STAB2: variants seen among roughly 807,000 people sequenced by gnomAD.
The protein encoded by STAB2 is stabilin 2.
In STAB2, 288 loss-of-function variants were observed where a neutral mutation model predicts 338.1. The ratio of observed to expected loss-of-function variants is 0.85; its 90% CI spans 0.77 to 0.94. The LOEUF is 0.94. STAB2 is among the 40% of genes least tolerant of loss of function. The pLI is 0.00. For synonymous variants in STAB2, 1,202 were observed against 1,193.3 expected (o/e 1.01, Z -0.15); for missense variants, 3,141 against 3,210.1 (o/e 0.98, Z 0.52).
At chr12:103,676,559 C>T (rs1018922971) in intron 24 of STAB2, among the ~76,000 whole-genome samples, 2 of 152,200 alleles carry the variant, frequency 1.3e-5, no homozygotes, top group Admixed American at 1.3e-4. Flanking sequence ...TAGCTCACTG[C>T]AGCCTCAAAC....
At chr12:103,732,545 C>T (rs1881714844) in intron 50 of STAB2, among the ~76,000 whole-genome samples, 1 of 152,182 alleles carries the variant, frequency 6.6e-6, no homozygotes. Flanking sequence ...TTGGCTCATG[C>T]CTGTAATCCT....
rs1469454226 is a variant in STAB2 at position 103,746,657 on chromosome 12, C to A, written c.6197C>A (p.Thr2066Lys). The change falls in exon 58 of 69, where the codon ACG becomes AAG. Residue 2066 changes from threonine to lysine, a missense_variant. Transcript: ENST00000388887. Reference protein sequence around the residue: ...SAHATCKENNTCECNLDYEGD... With the variant: ...SAHATCKENNKCECNLDYEGD... ...CATGCCACCTGTAAGGAGAACAACACGTGTGAGTGTAACCTGGATTATGAA... is the reference window on the plus strand; with the variant it reads ...CATGCCACCTGTAAGGAGAACAACAAGTGTGAGTGTAACCTGGATTATGAA... 6 of 1,613,982 alleles carry A rather than the reference C, an allele frequency of 3.7e-6. No individual in the cohort carries two copies. The highest frequency in any genetic ancestry group is 1.3e-5 in the African/African-American group (1 of 74,914).
At chr12:103,649,258 C>A (rs1873560088) in intron 10 of STAB2, among the ~76,000 whole-genome samples, 1 of 152,162 alleles carries the variant, frequency 6.6e-6, no homozygotes, top group African/African-American at 2.4e-5. Context: ...AGTGGAGGGG[C>A]TGTTTGAATT....
At chr12:103,752,909 A>G (rs1241410697) in intron 60 of STAB2, among the ~76,000 whole-genome samples, 1 of 152,254 alleles carries the variant, frequency 6.6e-6, no homozygotes, top group Non-Finnish European at 1.5e-5. Context: ...GTAAAATTCT[A>G]GAAGGAAATG....
intron 27 of STAB2, among the ~76,000 whole-genome samples, chr12:103,685,502 A>G (rs184703971): frequency 1.3e-5 from 2 of 151,478 alleles, no homozygotes; most frequent in East Asian, 3.9e-4. Flanking sequence ...GTGTGTACAC[A>G]CTTCTTTATG....
intron 51 of STAB2, among the ~76,000 whole-genome samples, chr12:103,733,936 C>T (rs1486235495): frequency 1.4e-5 from 2 of 144,474 alleles, no homozygotes; most frequent in African/African-American, 5.3e-5. Flanking sequence ...AAGGAGCAAG[C>T]ATGATCACAT....
chr12:103,739,527 CTGTGTGTGTGTGTGTGTGTGTG>C (rs35471201), intron 54 of STAB2, 59 bp downstream of exon 54: 118 of 674,322 alleles, frequency 1.7e-4, no homozygotes, highest in Non-Finnish European at 2.3e-4. Context: ...ATTATCAGAC[CTGTGTGTGTGTGTGTGTGTGTG>C]TGTGTGTGTG....
chr12:103,746,119 C>T (rs1183701876), intron 57 of STAB2, among the ~76,000 whole-genome samples: 1 of 152,128 alleles, frequency 6.6e-6, no homozygotes, highest in African/African-American at 2.4e-5. Flanking sequence ...CCTCCCTCCT[C>T]CCCTAAGCAC....
At chr12:103,699,058 G>T in intron 33 of STAB2, 38 bp from the exon 34 acceptor site, 2 of 1,580,794 alleles carry the variant, frequency 1.3e-6, no homozygotes, top group Non-Finnish European at 1.7e-6. Flanking sequence ...CTGTCAGGCT[G>T]ATCTCTTGAC....
chr12:103,704,408 A>C, intron 35 of STAB2, 150 bp from the exon 36 acceptor site: 1 of 626,374 alleles, frequency 1.6e-6, no homozygotes, highest in African/African-American at 1.9e-5. Flanking sequence ...GACCCAGAGG[A>C]GTTGAAGTGT....
intron 5 of STAB2, among the ~76,000 whole-genome samples, chr12:103,625,016 A>T (rs1348914095): frequency 6.6e-6 from 1 of 152,130 alleles, no homozygotes; most frequent in Non-Finnish European, 1.5e-5. Context: ...AAGGACAGCA[A>T]CTAAAATGTA....
chr12:103,590,224 A>G (rs1956775218), intron 1 of STAB2, among the ~76,000 whole-genome samples: 1 of 152,236 alleles, frequency 6.6e-6, no homozygotes, highest in African/African-American at 2.4e-5. Flanking sequence ...TGTTTCTAGC[A>G]CATCTGATTT....
chr12:103,692,597 CTGTGTG>C (rs36051361), intron 30 of STAB2, among the ~76,000 whole-genome samples: 1 of 150,828 alleles, frequency 6.6e-6, no homozygotes, highest in Admixed American at 6.6e-5. Context: ...CTCTCTGTCT[CTGTGTG>C]TGTGTGTGTG....
In STAB2 at chr12:103,730,199, A is replaced by C. The variant is rs777568448; in HGVS notation, c.5166A>C (p.Lys1722Asn). 6.2e-7 allele frequency: 1 copy of C among 1,613,712 alleles called. No individual in the cohort carries two copies. The highest frequency in any genetic ancestry group is 1.1e-5 in the South Asian group (1 of 91,068). ...STNGIVHIID[K>N]LLSPKNLLIT... Reference sequence around the variant, plus strand: ...ATGGGATTGTTCATATCATAGACAAATTGCTATCTCCCAAAAATTTGCTTA... The same window carrying C: ...ATGGGATTGTTCATATCATAGACAACTTGCTATCTCCCAAAAATTTGCTTA... The change falls in exon 49 of 69, where the codon AAA (lysine) becomes AAC (asparagine). Residue 1722 changes from lysine (K) to asparagine (N), a missense_variant. Coordinates refer to ENST00000388887, the MANE Select transcript of STAB2 (RefSeq NM_017564.10).
intron 6 of STAB2, among the ~76,000 whole-genome samples, chr12:103,634,207 G>A (rs1339570981): frequency 6.6e-6 from 1 of 152,104 alleles, no homozygotes. Context: ...GTGTCCCAAG[G>A]TACTACAATC....
rs1419716937 is a variant in STAB2, at chr12:103,759,243, C to T, written c.7218C>T (p.Leu2406=). The T allele has an allele frequency of 1.2e-6, 2 of 1,614,050 alleles. No individual in the cohort carries two copies. The highest frequency in any genetic ancestry group is 1.3e-5 in the African/African-American group (1 of 74,932). ...TLQTRLGSKL[L]ITASQDPLQP... ...AAACGAGGCTGGGAAGCAAGCTGCT[C>T]ATCACTGCCAGCCAGGACCCACTCC... The change falls in exon 65 of 69, where the codon CTC becomes CTT. Residue 2406 remains leucine (L), a synonymous_variant. Coordinates refer to ENST00000388887, the MANE Select transcript of STAB2 (RefSeq NM_017564.10).
Position 103,706,979 on chromosome 12 carries a change from G to A in STAB2, c.4184G>A (p.Cys1395Tyr), listed in dbSNP as rs1401874355. 2 of 1,614,134 alleles carry A rather than the reference G, an allele frequency of 1.2e-6. No homozygotes were observed. Among genetic ancestry groups the A allele is most frequent in the Admixed American group, 1.7e-5 (1 of 60,028 alleles). The part of the protein sequence containing the change: ...TCTEGKYGIH[C>Y]DQACSCVHGR... The stretch of plus-strand genomic sequence containing the variant: ...ACCGAGGGCAAGTACGGCATCCACT[G>A]TGACCAAGGTGAGCACCGTCCTCTC... The change falls in exon 38 of 69, where the codon TGT becomes TAT. Residue 1395 changes from cysteine (C) to tyrosine (Y), a missense_variant. Coordinates refer to ENST00000388887, the MANE Select transcript of STAB2 (RefSeq NM_017564.10).
chr12:103,613,581 C>A (rs1713331092), intron 3 of STAB2, among the ~76,000 whole-genome samples: 1 of 152,170 alleles, frequency 6.6e-6, no homozygotes, highest in Non-Finnish European at 1.5e-5. Context: ...AAGGTTCCAT[C>A]TGTTACCCCT....
Position 103,740,624 on chromosome 12 carries a change from C to T in STAB2, c.5755-6C>T, listed in dbSNP as rs1397135126. Reference sequence around the variant, plus strand: ...AGTGAAGGGATGGTCCACTCTCTTCCCTTAGGGTGTGAAGCAGAAGTGTCT... The same window carrying T: ...AGTGAAGGGATGGTCCACTCTCTTCTCTTAGGGTGTGAAGCAGAAGTGTCT... On this transcript the variant is annotated splice_region_variant and splice_polypyrimidine_tract_variant and intron_variant, in intron 54 of 68. Transcript: ENST00000388887. 1 of 1,611,272 alleles carries T rather than the reference C, an allele frequency of 6.2e-7. No homozygotes were observed. The highest frequency in any genetic ancestry group is 1.1e-5 in the South Asian group (1 of 90,424).
Sources: gnomAD v4.1 joint callset for allele counts (sites outside exome capture counted in the v4.1 genomes callset) on GRCh38, gnomAD v4.1.1 for gene constraint, MANE v1.5 for transcripts, NCBI Gene and HGNC (gene_info 2026-07-23, HGNC 2026-07-21) for gene names.